The following DHX36 variants were observed in gnomAD, a reference collection of about 807,000 sequenced individuals.
DHX36 encodes ATP-dependent DNA/RNA helicase DHX36.
DHX36 carries 50 observed loss-of-function variants against 139.0 expected under a neutral mutation model. That is an observed-to-expected ratio of 0.36 (90% confidence interval 0.29 to 0.46). DHX36 has a LOEUF of 0.46. DHX36 is among the 20% of genes least tolerant of loss of function. DHX36 has a pLI of 1.00. For missense variants in DHX36, 1,024 were observed against 1,211.3 expected, an observed-to-expected ratio of 0.85 and a Z score of 2.29; for synonymous variants, 425 against 401.9, an observed-to-expected ratio of 1.06 and a Z score of -0.69.
intron 17 of DHX36, 110 bp downstream of exon 17, chr3:154,288,756 T>G: frequency 2.0e-6 from 1 of 492,638 alleles, no homozygotes. Flanking sequence ...AAATTTGGCA[T>G]TGGACATTAT....
In DHX36 at chr3:154,273,068, G is replaced by C. The variant is rs1468920327; in HGVS notation, c.*3103C>G. 2.0e-5 allele frequency: 3 copies of C among 151,338 alleles called. No individual in the cohort carries two copies. Among genetic ancestry groups the C allele is most frequent in the African/African-American group, 7.3e-5 (3 of 41,198 alleles). 9.4% of individuals were successfully genotyped at this position (151,338 alleles called of 1,614,324 possible). On this transcript the variant is annotated 3_prime_UTR_variant, in exon 25 of 25. Coordinates refer to ENST00000496811, the MANE Select transcript of DHX36 (RefSeq NM_020865.3). ...TTTTGTTTTTTTCCTGAAAGTTTCT[G>C]TTTCAGGTTTTTTTTTTAAGAGTTA...
At chr3:154,281,620 AT>A (rs975469385) in intron 20 of DHX36, among the ~76,000 whole-genome samples, 1 of 152,082 alleles carries the variant, frequency 6.6e-6, no homozygotes, top group Non-Finnish European at 1.5e-5. Flanking sequence ...TGAATCTTGT[AT>A]TTTCATAACA....
intron 14 of DHX36, 84 bp from the exon 15 acceptor site, chr3:154,292,778 C>T: frequency 6.6e-7 from 1 of 1,516,348 alleles, no homozygotes; most frequent in Non-Finnish European, 8.8e-7. Context: ...GCACTATTAA[C>T]CTATAAAAGA....
intron 3 of DHX36, among the ~76,000 whole-genome samples, chr3:154,312,856 T>A (rs1250028111): frequency 9.8e-5 from 1 of 10,156 alleles, no homozygotes; most frequent in African/African-American, 2.9e-4. Context: ...AATTAAAATA[T>A]ATATATATAT....
intron 17 of DHX36, among the ~76,000 whole-genome samples, chr3:154,287,893 A>G (rs1711603312): frequency 1.3e-5 from 2 of 152,084 alleles, no homozygotes; most frequent in African/African-American, 4.8e-5. Context: ...ATGCAAATTA[A>G]AACCACTACA....
At chr3:154,288,448 A>G (rs1711637973) in intron 17 of DHX36, among the ~76,000 whole-genome samples, 1 of 151,982 alleles carries the variant, frequency 6.6e-6, no homozygotes, top group Non-Finnish European at 1.5e-5. Context: ...TGATTATGAG[A>G]GGGTAGGAAG....
chr3:154,324,050 GCCT>G, intron 1 of DHX36, 121 bp downstream of exon 1: 2 of 1,118,212 alleles, frequency 1.8e-6, no homozygotes, highest in East Asian at 4.9e-5. Flanking sequence ...ATATATTTGC[GCCT>G]CATTTACATT....
intron 13 of DHX36, 73 bp from the exon 14 acceptor site, chr3:154,293,885 T>C (rs1711925373): frequency 4.7e-6 from 5 of 1,063,212 alleles, no homozygotes; most frequent in Non-Finnish European, 7.3e-6. Flanking sequence ...ATTAGAGGAA[T>C]TACCTCAGAT....
At chr3:154,295,404 T>G in intron 12 of DHX36, 65 bp from the exon 13 acceptor site, 1 of 738,058 alleles carries the variant, frequency 1.4e-6, no homozygotes, top group Non-Finnish European at 2.2e-6. Flanking sequence ...CAAACACATA[T>G]GAGACAATGA....
rs1191625420 is a variant in DHX36, at chr3:154,275,292, T to C, written c.*879A>G. On this transcript the variant is annotated 3_prime_UTR_variant, in exon 25 of 25. Coordinates refer to ENST00000496811, the MANE Select transcript of DHX36 (RefSeq NM_020865.3). ...AATACCTAATACAATGTAAATACTA[T>C]ATAAATAGCTGTTAAACTGTATTGT... is the stretch of plus-strand genomic sequence containing the variant. 2.6e-5 allele frequency: 4 copies of C among 152,238 alleles called. No homozygotes were observed. Among genetic ancestry groups the C allele is most frequent in the East Asian group, 1.9e-4 (1 of 5,200 alleles). The allele number at this position is 152,238 out of a possible 1,614,324, so 9.4% of individuals were successfully genotyped here.
At position 154,305,483 on chromosome 3, in the gene DHX36, G is replaced by C. The variant is rs886649190; in HGVS notation, c.894-315C>G. On this transcript the variant is annotated intron_variant, in intron 6 of 24. Transcript: ENST00000496811. ...GTAATTGGAAAGCTCATTTGAAAAG[G>C]CAAATGTGTCAGGCATGGTGGCTCA... 8 of 229,816 alleles carry C rather than the reference G, an allele frequency of 3.5e-5. No homozygotes were observed. The East Asian group carries it at 9.7e-4, about 28-fold the overall frequency. 14.2% of individuals were successfully genotyped at this position (229,816 alleles called of 1,614,324 possible).
chr3:154,317,832 TG>T (rs943762557), intron 1 of DHX36, among the ~76,000 whole-genome samples: 4 of 142,982 alleles, frequency 2.8e-5, no homozygotes, highest in Non-Finnish European at 4.5e-5. Flanking sequence ...AGATTTCAAT[TG>T]TTTATTTTTT....
intron 14 of DHX36, 32 bp from the exon 15 acceptor site, chr3:154,292,726 AACACACACACACACACACACAC>A (rs58416816): frequency 1.3e-5 from 19 of 1,517,168 alleles, no homozygotes; most frequent in Non-Finnish European, 1.5e-5. Context: ...AAAATGTTAA[AACACACACACACACACACACAC>A]ACACACACAC....
intron 24 of DHX36, 51 bp downstream of exon 24, chr3:154,276,696 C>T (rs776952795): frequency 4.5e-6 from 7 of 1,566,704 alleles, no homozygotes; most frequent in African/African-American, 2.7e-5. Context: ...AACCACATGA[C>T]CACATGCTGA....
chr3:154,309,185 C>T (rs1225362656), intron 5 of DHX36, among the ~76,000 whole-genome samples: 1 of 151,414 alleles, frequency 6.6e-6, no homozygotes, highest in East Asian at 1.9e-4. Context: ...AAGACCCTGT[C>T]TCAAAAAATA....
chr3:154,311,551 T>C lies in DHX36; in HGVS notation c.642+85A>G, dbSNP rs2088363153. ...TCCTGTAAAAGAAAGTTCATTAATT[T>C]ACATTTTTTCTTGATATAGAGCTTT... On this transcript the variant is annotated intron_variant, in intron 4 of 24. Coordinates refer to ENST00000496811, the MANE Select transcript of DHX36 (RefSeq NM_020865.3). 1.0e-5 allele frequency: 11 copies of C among 1,103,702 alleles called. No homozygotes were observed. The Admixed American group carries it at 1.9e-4, about 19-fold the overall frequency. 68.4% of individuals were successfully genotyped at this position (1,103,702 alleles called of 1,614,324 possible). A position where few individuals can be genotyped will look rare whatever the true frequency, so the allele number is the denominator to read the frequency against.
chr3:154,283,968 A>C (rs1719419885), intron 19 of DHX36, among the ~76,000 whole-genome samples: 1 of 152,206 alleles, frequency 6.6e-6, no homozygotes, highest in Non-Finnish European at 1.5e-5. Flanking sequence ...CATTAGCGTT[A>C]ATAAGCCAAA....
At chr3:154,304,584 G>T (rs1293890884) in intron 8 of DHX36, among the ~76,000 whole-genome samples, 1 of 152,120 alleles carries the variant, frequency 6.6e-6, no homozygotes, top group African/African-American at 2.4e-5. Context: ...TAATTGTGTG[G>T]TGGTAGCAAC....
intron 20 of DHX36, 51 bp downstream of exon 20, chr3:154,283,137 T>G: frequency 7.3e-7 from 1 of 1,371,726 alleles, no homozygotes; most frequent in Non-Finnish European, 1.0e-6. Context: ...TGGATGTATA[T>G]ATTCTCTAAT....
Sources: allele counts gnomAD v4.1 joint callset (sites outside exome capture counted in the v4.1 genomes callset), GRCh38; gene constraint gnomAD v4.1.1; transcripts MANE v1.5; gene names NCBI Gene and HGNC (gene_info 2026-07-23, HGNC 2026-07-21).